Variants in GALNT2 observed in about 807,000 individuals in gnomAD.
GALNT2 encodes the protein UDP-GalNAc:polypeptide N-acetylgalactosaminyltransferase 2.
GALNT2 carries 31 observed loss-of-function variants against 81.4 expected under a neutral mutation model. That is an observed-to-expected ratio of 0.38 (90% CI 0.29 to 0.51). The LOEUF (loss-of-function observed/expected upper bound fraction) is 0.51. Ranked by LOEUF, GALNT2 falls within the 20% of genes least tolerant of loss-of-function variation. The pLI, the probability that GALNT2 is intolerant of heterozygous loss-of-function variation, is 0.87. For synonymous variants in GALNT2, 303 were observed against 287.4 expected, an observed-to-expected ratio of 1.05 and a Z score of -0.55; for missense variants, 629 against 765.7, an observed-to-expected ratio of 0.82 and a Z score of 2.11.
chr1:230,246,709 A>G (rs1163829968), intron 8 of GALNT2, among the ~76,000 whole-genome samples: 2 of 151,938 alleles, frequency 1.3e-5, no homozygotes, highest in Non-Finnish European at 2.9e-5. Flanking sequence ...TCCCAGCCCA[A>G]CACCTGTGCC....
chr1:230,192,152 GGT>G, intron 2 of GALNT2, among the ~76,000 whole-genome samples: 1 of 152,322 alleles, frequency 6.6e-6, no homozygotes, highest in African/African-American at 2.4e-5. Flanking sequence ...GTTGCTTTTT[GGT>G]GTTTCGCTTC....
chr1:230,089,965 C>T (rs1163136415), intron 1 of GALNT2, among the ~76,000 whole-genome samples: 1 of 152,054 alleles, frequency 6.6e-6, no homozygotes, highest in Non-Finnish European at 1.5e-5. Context: ...TGAGGAACCT[C>T]CATACTGCTT....
chr1:230,257,028 G>C lies in GALNT2; in HGVS notation c.1136+1684G>C, dbSNP rs544349782. Among the ~76,000 whole-genome samples the C allele has an allele frequency of 6.6e-6, 1 of 152,226 alleles. No homozygotes were observed. Among genetic ancestry groups the C allele is most frequent in the Non-Finnish European group, 1.5e-5 (1 of 68,036 alleles). ...GAGCAGATCCAGGCTGCTGAGGTGC[G>C]TTTGGCATATCAGCCAAATGGAAGC... is the stretch of plus-strand genomic sequence containing the variant. On this transcript the variant is annotated intron_variant, in intron 11 of 15. Coordinates refer to ENST00000366672, the MANE Select transcript of GALNT2 (RefSeq NM_004481.5). This position sits in a 1 kb window ranked among gnomAD's most constrained non-coding sequence, Gnocchi z 4.6.
intron 3 of GALNT2, among the ~76,000 whole-genome samples, chr1:230,233,997 G>A (rs1664946817): frequency 6.6e-6 from 1 of 152,174 alleles, no homozygotes; most frequent in Non-Finnish European, 1.5e-5. Flanking sequence ...GGGAAGGCGA[G>A]GGGCAGAACT....
intron 1 of GALNT2, among the ~76,000 whole-genome samples, chr1:230,072,389 T>A (rs1248976738): frequency 6.6e-6 from 1 of 151,802 alleles, no homozygotes; most frequent in Non-Finnish European, 1.5e-5. Flanking sequence ...GCGGTGAGGC[T>A]GCCTGGGACA....
chr1:230,100,941 G>A (rs569560418), intron 1 of GALNT2, among the ~76,000 whole-genome samples: 29 of 152,166 alleles, frequency 1.9e-4, no homozygotes, highest in Admixed American at 7.9e-4. Flanking sequence ...CAGTGGTCCC[G>A]TAAGATTATA....
intron 1 of GALNT2, among the ~76,000 whole-genome samples, chr1:230,132,462 C>T (rs879392933): frequency 6.6e-6 from 1 of 152,160 alleles, no homozygotes; most frequent in African/African-American, 2.4e-5. Context: ...TGTGAAAGCC[C>T]GCAGAGGCTG....
chr1:230,159,561 T>C (rs1662366755), intron 1 of GALNT2, among the ~76,000 whole-genome samples: 1 of 152,214 alleles, frequency 6.6e-6, no homozygotes, highest in South Asian at 2.1e-4. Flanking sequence ...CACTTTGCTC[T>C]AAGTTTGGGC....
chr1:230,135,132 C>T (rs1661494999), intron 1 of GALNT2, among the ~76,000 whole-genome samples: 2 of 151,962 alleles, frequency 1.3e-5, no homozygotes, highest in South Asian at 4.2e-4. Context: ...AGATGCATTC[C>T]CCATTTCAGA....
intron 1 of GALNT2, among the ~76,000 whole-genome samples, chr1:230,158,153 G>C (rs185496431): frequency 1.3e-4 from 20 of 152,136 alleles, no homozygotes; most frequent in Non-Finnish European, 2.5e-4. Flanking sequence ...TGCATGGGGC[G>C]TGGTGGAACA....
intron 1 of GALNT2, among the ~76,000 whole-genome samples, chr1:230,122,142 G>A (rs1661036480): frequency 6.6e-6 from 1 of 152,020 alleles, no homozygotes; most frequent in African/African-American, 2.4e-5. Flanking sequence ...CAGGAACTGG[G>A]ATAATGCCAT....
At chr1:230,092,803 C>A (rs1473765071) in intron 1 of GALNT2, among the ~76,000 whole-genome samples, 1 of 151,978 alleles carries the variant, frequency 6.6e-6, no homozygotes, top group East Asian at 1.9e-4. Context: ...AGCACAGATT[C>A]ATTAAAATAA....
intron 6 of GALNT2, among the ~76,000 whole-genome samples, chr1:230,241,603 C>T (rs952238851): frequency 1.1e-4 from 16 of 152,224 alleles, no homozygotes; most frequent in Admixed American, 3.3e-4. Flanking sequence ...CACGCCACCA[C>T]GCCTGGCTAA....
At chr1:230,211,722 A>G (rs532336232) in intron 3 of GALNT2, among the ~76,000 whole-genome samples, 3 of 152,296 alleles carry the variant, frequency 2.0e-5, no homozygotes, top group East Asian at 1.9e-4. Context: ...GCAGTGAGCT[A>G]TGATCATGCT....
chr1:230,267,789 G>A (rs1666074151), intron 14 of GALNT2, among the ~76,000 whole-genome samples: 1 of 152,186 alleles, frequency 6.6e-6, no homozygotes, highest in South Asian at 2.1e-4. Context: ...AGGGGAAGGT[G>A]CCATCCCCAC....
chr1:230,112,522 G>T (rs192336960), intron 1 of GALNT2, among the ~76,000 whole-genome samples: 1 of 152,166 alleles, frequency 6.6e-6, no homozygotes, highest in African/African-American at 2.4e-5. Context: ...CAGGATTGGG[G>T]TGAGGGCAGT....
chr1:230,118,523 C>G (rs1660916766), intron 1 of GALNT2, among the ~76,000 whole-genome samples: 1 of 152,238 alleles, frequency 6.6e-6, no homozygotes, highest in African/African-American at 2.4e-5. Context: ...GGAGGCCCCT[C>G]TCTTTTATAG....
chr1:230,262,792 C>G, intron 12 of GALNT2, 127 bp downstream of exon 12: 1 of 1,292,898 alleles, frequency 7.7e-7, no homozygotes, highest in Non-Finnish European at 1.1e-6. Context: ...GTTGTGGGCA[C>G]AGGAGCATGG....
chr1:230,202,325 C>G (rs913395452), intron 2 of GALNT2, among the ~76,000 whole-genome samples: 21 of 152,310 alleles, frequency 1.4e-4, no homozygotes, highest in African/African-American at 4.8e-4. Context: ...CCTGACTTCA[C>G]TCGCCTAGCA....
Sources: allele counts gnomAD v4.1 joint callset (sites outside exome capture counted in the v4.1 genomes callset), GRCh38; gene constraint gnomAD v4.1.1; non-coding constraint Gnocchi (gnomAD v3.1); transcripts MANE v1.5; gene names NCBI Gene and HGNC (gene_info 2026-07-23, HGNC 2026-07-21).